The following CFAP299 variants were observed in gnomAD, a reference collection of about 807,000 sequenced individuals.
CFAP299 encodes cilia and flagella associated protein 299.
In CFAP299, 21 loss-of-function variants were observed where a neutral mutation model predicts 27.0. The observed-to-expected ratio is 0.78, with a 90% confidence interval of 0.55 to 1.12. CFAP299 has a LOEUF of 1.12. CFAP299 is among the 50% of genes most tolerant of loss of function. CFAP299 has a pLI of 0.00. For synonymous variants in CFAP299, 104 were observed against 98.1 expected, an observed-to-expected ratio of 1.06 and a Z score of -0.36; for missense variants, 310 against 276.6, an observed-to-expected ratio of 1.12 and a Z score of -0.86.
At chr4:80,911,745 A>G (rs532255535) in intron 4 of CFAP299, among the ~76,000 whole-genome samples, 2 of 152,310 alleles carry the variant, frequency 1.3e-5, no homozygotes, top group Admixed American at 1.3e-4. Context: ...TTCTGTCAGC[A>G]TCAGCACAAT....
At chr4:80,705,671 G>A (rs1381363727) in intron 3 of CFAP299, among the ~76,000 whole-genome samples, 1 of 151,846 alleles carries the variant, frequency 6.6e-6, no homozygotes, top group Non-Finnish European at 1.5e-5. Context: ...TCCACCTAAT[G>A]GTTGGGAACA....
intron 3 of CFAP299, among the ~76,000 whole-genome samples, chr4:80,735,168 A>G (rs1375593058): frequency 6.6e-6 from 1 of 151,872 alleles, no homozygotes; most frequent in African/African-American, 2.4e-5. Context: ...TGCTTCACTT[A>G]TTTGGTTAAT....
chr4:80,868,941 G>A (rs1160250799), intron 3 of CFAP299, among the ~76,000 whole-genome samples: 2 of 151,260 alleles, frequency 1.3e-5, no homozygotes, highest in Non-Finnish European at 2.9e-5. Flanking sequence ...GTGTGTGTGT[G>A]TGTGTGTCCC....
At chr4:80,368,606 T>A (rs1578362638) in intron 2 of CFAP299, among the ~76,000 whole-genome samples, 1 of 152,096 alleles carries the variant, frequency 6.6e-6, no homozygotes, top group African/African-American at 2.4e-5. Context: ...CTGGGCAACA[T>A]AGTGAGACCC....
intron 2 of CFAP299, 152 bp downstream of exon 2, chr4:80,363,036 A>C: frequency 1.2e-6 from 1 of 804,726 alleles, no homozygotes; most frequent in Non-Finnish European, 1.8e-6. Context: ...TGAGGAACTG[A>C]AGCAACTGTA....
intron 4 of CFAP299, among the ~76,000 whole-genome samples, chr4:80,902,217 C>A (rs979268680): frequency 2.6e-5 from 4 of 151,030 alleles, no homozygotes; most frequent in African/African-American, 9.7e-5. Context: ...TTCTCTGGGT[C>A]CAGGATGAAA....
intron 2 of CFAP299, among the ~76,000 whole-genome samples, chr4:80,455,652 G>A (rs138662815): frequency 3.3e-5 from 5 of 152,232 alleles, no homozygotes; most frequent in African/African-American, 4.8e-5. Flanking sequence ...AAAAGATATT[G>A]AGTGACCTAT....
At chr4:80,727,346 C>A (rs909553800) in intron 3 of CFAP299, among the ~76,000 whole-genome samples, 1 of 151,878 alleles carries the variant, frequency 6.6e-6, no homozygotes, top group African/African-American at 2.4e-5. Context: ...AGCTAGAATA[C>A]CTTCATAAAG....
chr4:80,630,883 G>A (rs1407964644), intron 3 of CFAP299, among the ~76,000 whole-genome samples: 1 of 151,884 alleles, frequency 6.6e-6, no homozygotes, highest in Non-Finnish European at 1.5e-5. Flanking sequence ...ATTACTTCAG[G>A]ACAAGATGTT....
intron 3 of CFAP299, among the ~76,000 whole-genome samples, chr4:80,759,441 C>G (rs1725431066): frequency 1.3e-5 from 2 of 152,150 alleles, no homozygotes; most frequent in South Asian, 4.1e-4. Flanking sequence ...TCATTACAGA[C>G]TTTTGAGTGG....
rs112470021 is a variant in CFAP299, at chr4:80,351,699, A to G, written c.112-11055A>G. On this transcript the variant is annotated intron_variant, in intron 1 of 5. Coordinates refer to ENST00000358105, the MANE Select transcript of CFAP299 (RefSeq NM_152770.3). ...CAGAATAGATAAAAGTTCAAGAGCC[A>G]TATATGCTGTCCCACCTTAAATATA... Among the ~76,000 whole-genome samples, 908 of 151,892 alleles carry G rather than the reference A, an allele frequency of 6.0e-3. 8 individuals carry two copies. Among genetic ancestry groups the G allele is most frequent in the Middle Eastern group, 0.024 (7 of 294 alleles).
intron 2 of CFAP299, among the ~76,000 whole-genome samples, chr4:80,430,645 A>G (rs1165725695): frequency 6.6e-6 from 1 of 152,080 alleles, no homozygotes; most frequent in Non-Finnish European, 1.5e-5. Flanking sequence ...CGCCGTTCTC[A>G]TTATCAGTTT....
At chr4:80,777,765 C>T (rs1726638154) in intron 3 of CFAP299, among the ~76,000 whole-genome samples, 2 of 151,820 alleles carry the variant, frequency 1.3e-5, no homozygotes, top group South Asian at 2.1e-4. Flanking sequence ...TTTAAAGGGC[C>T]CTTAACTCTT....
chr4:80,927,968 C>A (rs1209356761), intron 4 of CFAP299, among the ~76,000 whole-genome samples: 1 of 152,092 alleles, frequency 6.6e-6, no homozygotes, highest in Non-Finnish European at 1.5e-5. Context: ...CCACATCTAT[C>A]AGCACTACCA....
At chr4:80,676,088 T>A (rs1300903245) in intron 3 of CFAP299, among the ~76,000 whole-genome samples, 4 of 152,190 alleles carry the variant, frequency 2.6e-5, no homozygotes, top group Non-Finnish European at 5.9e-5. Flanking sequence ...CATACCTCAG[T>A]TGGAAATGCA....
intron 2 of CFAP299, among the ~76,000 whole-genome samples, chr4:80,581,354 C>T (rs1299178593): frequency 6.7e-6 from 1 of 150,080 alleles, no homozygotes; most frequent in African/African-American, 2.5e-5. Flanking sequence ...AAGAAATTCT[C>T]AAATATCTGA....
At chr4:80,910,204 A>T (rs1578231699) in intron 4 of CFAP299, among the ~76,000 whole-genome samples, 1 of 152,272 alleles carries the variant, frequency 6.6e-6, no homozygotes, top group South Asian at 2.1e-4. Context: ...AGTTGCAGAG[A>T]AAAGGGAACA....
chr4:80,852,804 C>T (rs1337883277), intron 3 of CFAP299, among the ~76,000 whole-genome samples: 1 of 152,102 alleles, frequency 6.6e-6, no homozygotes. Flanking sequence ...TTCTAATATT[C>T]AGCAACATGA....
chr4:80,942,332 T>C (rs921184394), intron 4 of CFAP299, among the ~76,000 whole-genome samples: 4 of 152,140 alleles, frequency 2.6e-5, no homozygotes, highest in Admixed American at 2.6e-4. Flanking sequence ...AACGTTGGAA[T>C]CCAAGTGGTC....
Sources: gnomAD v4.1 joint callset for allele counts (sites outside exome capture counted in the v4.1 genomes callset) on GRCh38, gnomAD v4.1.1 for gene constraint, MANE v1.5 for transcripts, NCBI Gene and HGNC (gene_info 2026-07-23, HGNC 2026-07-21) for gene names.